The following LARP4 variants were observed in gnomAD, a reference collection of about 807,000 sequenced individuals.
The protein encoded by LARP4 is La ribonucleoprotein 4.
LARP4 carries 29 observed loss-of-function variants against 92.9 expected under a neutral mutation model. That is an observed-to-expected ratio of 0.31 (90% confidence interval 0.23 to 0.43). The LOEUF (loss-of-function observed/expected upper bound fraction) is 0.43, where lower values mean the gene tolerates loss of function less well. Ranked by LOEUF, LARP4 falls within the 20% of genes least tolerant of loss-of-function variation. The pLI is 1.00. For missense variants in LARP4, 732 were observed against 860.0 expected (o/e 0.85, Z 1.86); for synonymous variants, 279 against 284.1 (o/e 0.98, Z 0.18).
At chr12:50,402,099 G>C (rs943723121) in intron 1 of LARP4, among the ~76,000 whole-genome samples, 6 of 152,050 alleles carry the variant, frequency 3.9e-5, no homozygotes, top group Non-Finnish European at 5.9e-5. Context: ...ATGAATCTAG[G>C]AGCCGGGGCC....
Position 50,462,713 on chromosome 12 carries a change from G to GTT in LARP4, c.1383+87_1383+88dup, listed in dbSNP as rs1220363094. The GTT allele has an allele frequency of 3.1e-6, 3 of 976,482 alleles. No individual in the cohort carries two copies. In the Admixed American group the frequency reaches 7.0e-5, roughly 23 times the overall value. 60.5% of individuals were successfully genotyped at this position (976,482 alleles called of 1,614,324 possible). ...TTGACTTTCGGTCTTTCCTTTCTGG[G>GTT]TTTTTGTTTTATTGATTGTAGTCTT... On this transcript the variant is annotated intron_variant, in intron 12 of 15. Transcript: ENST00000398473.
chr12:50,441,654 G>A lies in LARP4; in HGVS notation c.804+11G>A, dbSNP rs1951220395. On this transcript the variant is annotated intron_variant, in intron 8 of 15. Transcript: ENST00000398473. Reference sequence around the variant, plus strand: ...GGCAAGCCAATTATGGTAAGAAATAGAGATCAGTGTGAAACCAGAACAGGT... The same window carrying A: ...GGCAAGCCAATTATGGTAAGAAATAAAGATCAGTGTGAAACCAGAACAGGT... 1.9e-6 allele frequency: 3 copies of A among 1,586,352 alleles called. No individual in the cohort carries two copies. In the Admixed American group the frequency reaches 5.4e-5, roughly 28 times the overall value.
At chr12:50,424,199 A>C (rs955958320) in intron 1 of LARP4, among the ~76,000 whole-genome samples, 2 of 151,942 alleles carry the variant, frequency 1.3e-5, no homozygotes, top group African/African-American at 2.4e-5. Context: ...TGAAAACCCA[A>C]CTCTGCCAAA....
chr12:50,431,785 G>T (rs1949696256), intron 4 of LARP4, among the ~76,000 whole-genome samples: 1 of 152,224 alleles, frequency 6.6e-6, no homozygotes, highest in African/African-American at 2.4e-5. Context: ...GGTAGAGATT[G>T]CAGTGAGCTG....
chr12:50,449,858 C>T (rs1952834968), intron 8 of LARP4, among the ~76,000 whole-genome samples: 1 of 147,936 alleles, frequency 6.8e-6, no homozygotes, highest in Non-Finnish European at 1.5e-5. Flanking sequence ...GGGGTGTTTA[C>T]TGTTCGTGTT....
At chr12:50,414,166 A>G (rs1482025968) in intron 1 of LARP4, among the ~76,000 whole-genome samples, 1 of 152,220 alleles carries the variant, frequency 6.6e-6, no homozygotes, top group Non-Finnish European at 1.5e-5. Context: ...TGAATAGGGT[A>G]AAAATGATAT....
In LARP4 at chr12:50,475,499, A is replaced by G. The variant is rs201918977; in HGVS notation, c.1837-27A>G. On this transcript the variant is annotated intron_variant, in intron 15 of 15. Transcript: ENST00000398473. ...ATAATTTAAAGAATGTGTACCATAA[A>G]TGTTTTTTTTTATCATCACTTCAAA... is the stretch of plus-strand genomic sequence containing the variant. 2.6e-4 allele frequency: 392 copies of G among 1,512,364 alleles called. 1 individual carries two copies. The African/African-American group carries it at 4.6e-3, about 18-fold the overall frequency. 93.7% of individuals were successfully genotyped at this position (1,512,364 alleles called of 1,614,324 possible). A position where few individuals can be genotyped will look rare whatever the true frequency, so the allele number is the denominator to read the frequency against.
Position 50,476,734 on chromosome 12 carries a change from T to C in LARP4, c.*870T>C, listed in dbSNP as rs1957560260. 6.6e-6 allele frequency: 1 copy of C among 152,566 alleles called. No homozygotes were observed. The highest frequency in any genetic ancestry group is 2.4e-5 in the African/African-American group (1 of 41,428). 9.5% of individuals were successfully genotyped at this position (152,566 alleles called of 1,614,324 possible). A position where few individuals can be genotyped will look rare whatever the true frequency, so the allele number is the denominator to read the frequency against. ...AAACAAAATTTTTTTTCTTACTCCA[T>C]TTGTTACTCTCTGTTCTTTGACTGC... is the stretch of plus-strand genomic sequence containing the variant. On this transcript the variant is annotated 3_prime_UTR_variant, in exon 16 of 16. Transcript: ENST00000398473.
chr12:50,449,665 G>A (rs1326040745), intron 8 of LARP4, among the ~76,000 whole-genome samples: 1 of 151,830 alleles, frequency 6.6e-6, no homozygotes, highest in Non-Finnish European at 1.5e-5. Flanking sequence ...CTAAAATTGT[G>A]GTATTTCTCT....
At position 50,440,468 on chromosome 12, in the gene LARP4, C is replaced by T. The variant is rs369661355; in HGVS notation, c.669C>T (p.Asn223=). 5.6e-6 allele frequency: 9 copies of T among 1,613,710 alleles called. No individual in the cohort carries two copies. Among genetic ancestry groups the T allele is most frequent in the Middle Eastern group, 1.6e-4 (1 of 6,062 alleles). The change falls in exon 7 of 16, where the codon AAC becomes AAT. Residue 223 remains asparagine, a synonymous_variant. Transcript: ENST00000398473. ...EEVKGLFKSE[N]CPKVISCEFA... Reference sequence around the variant, plus strand: ...TGAAAGGTTTGTTCAAAAGTGAAAACTGCCCCAAAGTGATAAGCTGTGAGT... The same window carrying T: ...TGAAAGGTTTGTTCAAAAGTGAAAATTGCCCCAAAGTGATAAGCTGTGAGT...
chr12:50,411,489 G>T (rs1057269380), intron 1 of LARP4, among the ~76,000 whole-genome samples: 1 of 151,088 alleles, frequency 6.6e-6, no homozygotes, highest in Admixed American at 6.6e-5. Context: ...GATTACAGAC[G>T]TGCACCACCA....
chr12:50,452,800 G>A (rs759268103), intron 8 of LARP4, among the ~76,000 whole-genome samples: 7 of 152,012 alleles, frequency 4.6e-5, no homozygotes, highest in Non-Finnish European at 4.4e-5. Flanking sequence ...GCATTGTTGG[G>A]CCTTTTCATG....
chr12:50,442,202 T>G (rs1317100993), intron 8 of LARP4, among the ~76,000 whole-genome samples: 1 of 152,238 alleles, frequency 6.6e-6, no homozygotes, highest in Non-Finnish European at 1.5e-5. Context: ...TTACAACATA[T>G]GAGATAATTC....
At chr12:50,461,717 G>A (rs923742407) in intron 11 of LARP4, among the ~76,000 whole-genome samples, 1 of 152,116 alleles carries the variant, frequency 6.6e-6, no homozygotes, top group Non-Finnish European at 1.5e-5. Context: ...AACACTTTGG[G>A]AGGCCGTGGT....
intron 1 of LARP4, among the ~76,000 whole-genome samples, chr12:50,423,986 C>T (rs1948314009): frequency 6.6e-6 from 1 of 152,194 alleles, no homozygotes; most frequent in South Asian, 2.1e-4. Context: ...GAACTCCTGA[C>T]CTCAGGTCAT....
intron 10 of LARP4, among the ~76,000 whole-genome samples, chr12:50,456,478 T>C (rs980393342): frequency 6.6e-6 from 1 of 152,218 alleles, no homozygotes; most frequent in African/African-American, 2.4e-5. Context: ...AAAAAGTGAC[T>C]ACTGCCAGGC....
At chr12:50,441,784 C>A in intron 8 of LARP4, 141 bp downstream of exon 8, 1 of 669,322 alleles carries the variant, frequency 1.5e-6, no homozygotes, top group Non-Finnish European at 2.5e-6. Context: ...CGTGGTGGCT[C>A]ACACCTGTGA....
chr12:50,400,889 G>A lies in LARP4; in HGVS notation c.-122G>A, dbSNP rs1358295109. On this transcript the variant is annotated 5_prime_UTR_variant, in exon 1 of 16. Transcript: ENST00000398473. ...AGCGGCTGACGGCAGGGGAGGAGCCGGGTCCACTGCCGGGTGGAGGGGCAA... is the reference window on the plus strand; with the variant it reads ...AGCGGCTGACGGCAGGGGAGGAGCCAGGTCCACTGCCGGGTGGAGGGGCAA... 1.5e-6 allele frequency: 2 copies of A among 1,340,266 alleles called. No homozygotes were observed. Among genetic ancestry groups the A allele is most frequent in the African/African-American group, 1.4e-5 (1 of 69,680 alleles). The allele number at this position is 1,340,266 out of a possible 1,614,324, so 83.0% of individuals were successfully genotyped here.
chr12:50,428,817 C>A, intron 2 of LARP4, 118 bp from the exon 3 acceptor site: 1 of 698,456 alleles, frequency 1.4e-6, no homozygotes, highest in Non-Finnish European at 2.3e-6. Context: ...ACCATGCGGA[C>A]ATATTTCAAA....
Sources: allele counts gnomAD v4.1 joint callset (sites outside exome capture counted in the v4.1 genomes callset), GRCh38; gene constraint gnomAD v4.1.1; transcripts MANE v1.5; gene names NCBI Gene and HGNC (gene_info 2026-07-23, HGNC 2026-07-21).